Variants in NUP88 observed in about 807,000 individuals in gnomAD.
NUP88 encodes nucleoporin 88, also known as nuclear pore complex protein Nup88.
NUP88 carries 57 observed loss-of-function variants against 93.9 expected under a neutral mutation model. That is an observed-to-expected ratio of 0.61 (90% CI 0.49 to 0.76). NUP88 has a LOEUF of 0.76. Among genes scored for constraint, NUP88 ranks in the 30% least tolerant of loss-of-function variants. The pLI is 0.00. For missense variants in NUP88, 911 were observed against 901.0 expected, an observed-to-expected ratio of 1.01 and a Z score of -0.14; for synonymous variants, 346 against 336.8, an observed-to-expected ratio of 1.03 and a Z score of -0.30.
At position 5,416,602 on chromosome 17, in the gene NUP88, T is replaced by C. The variant is rs758300813; in HGVS notation, c.378A>G (p.Ile126Met). ...CTAATACCATAAGTCCTTTTATTCC[T>C]ATAAGTGCTACATGATGTTGTGTTG... ...LSPTQHHVAL[I>M]GIKGLMVLEL... Residue 126 changes from isoleucine to methionine, a missense_variant, in exon 2 of 17, where the codon ATA (isoleucine) becomes ATG (methionine). Coordinates refer to ENST00000573584, the MANE Select transcript of NUP88 (RefSeq NM_002532.6). The C allele has an allele frequency of 1.2e-6, 2 of 1,612,504 alleles. No homozygotes were observed. Among genetic ancestry groups the C allele is most frequent in the South Asian group, 2.2e-5 (2 of 90,614 alleles).
At chr17:5,407,615 A>ACAGG (rs1913574308) in intron 5 of NUP88, among the ~76,000 whole-genome samples, 1 of 152,104 alleles carries the variant, frequency 6.6e-6, no homozygotes, top group African/African-American at 2.4e-5. Context: ...CCTCTATTTT[A>ACAGG]ATTCTTCTTG....
At chr17:5,403,734 G>C (rs1913312104) in intron 7 of NUP88, among the ~76,000 whole-genome samples, 1 of 152,166 alleles carries the variant, frequency 6.6e-6, no homozygotes, top group Non-Finnish European at 1.5e-5. Flanking sequence ...CTTAGCTGTT[G>C]TGAATAACAC....
At chr17:5,391,828 C>T (rs978204485) in intron 9 of NUP88, among the ~76,000 whole-genome samples, 166 bp from the exon 10 acceptor site, 4 of 152,206 alleles carry the variant, frequency 2.6e-5, no homozygotes, top group African/African-American at 9.7e-5. Flanking sequence ...TTTAATGCAG[C>T]TCCACACTAA....
At chr17:5,406,875 G>A (rs8068919) in intron 5 of NUP88, among the ~76,000 whole-genome samples, 2,434 of 152,226 alleles carry the variant, frequency 0.016, 54 homozygotes, top group African/African-American at 0.055. Context: ...CGCGCAGCCC[G>A]TGGGTTGGAC....
rs966904888 is a variant in NUP88, at chr17:5,391,793, C to G, written c.1383-131G>C. Reference sequence around the variant, plus strand: ...TTGGGACATCCTATCAGTACCATAACCTCAAAAGTGGTGGCTTGGAAACCT... The same window carrying G: ...TTGGGACATCCTATCAGTACCATAAGCTCAAAAGTGGTGGCTTGGAAACCT... On this transcript the variant is annotated intron_variant, in intron 9 of 16. Transcript: ENST00000573584. 4 of 668,072 alleles carry G rather than the reference C, an allele frequency of 6.0e-6. No individual in the cohort carries two copies. In the East Asian group the frequency reaches 1.1e-4, roughly 19 times the overall value. 41.4% of individuals were successfully genotyped at this position (668,072 alleles called of 1,614,324 possible). A position where few individuals can be genotyped will look rare whatever the true frequency, so the allele number is the denominator to read the frequency against.
At position 5,385,538 on chromosome 17, in the gene NUP88, C is replaced by A. The variant is rs1281339242; in HGVS notation, c.*668G>T. ...ACTTAAGGTGAAGTGAGGACAAAATCACATTCTGCATACTAACCTATTTTT... is the reference window on the plus strand; with the variant it reads ...ACTTAAGGTGAAGTGAGGACAAAATAACATTCTGCATACTAACCTATTTTT... On this transcript the variant is annotated 3_prime_UTR_variant, in exon 17 of 17. Coordinates refer to ENST00000573584, the MANE Select transcript of NUP88 (RefSeq NM_002532.6). 2.6e-5 allele frequency: 6 copies of A among 230,842 alleles called. No individual in the cohort carries two copies. The highest frequency in any genetic ancestry group is 5.1e-5 in the Non-Finnish European group (6 of 116,666). The allele number at this position is 230,842 out of a possible 1,614,324, so 14.3% of individuals were successfully genotyped here.
intron 16 of NUP88, 31 bp downstream of exon 16, chr17:5,386,677 C>G: frequency 1.4e-6 from 2 of 1,384,016 alleles, no homozygotes; most frequent in Non-Finnish European, 2.1e-6. Context: ...AACTATCTCA[C>G]GATAATAGCT....
rs763608323 is a variant in NUP88 at position 5,404,149 on chromosome 17, T to C, written c.1142A>G (p.Glu381Gly). The change falls in exon 7 of 17, where the codon GAG becomes GGG. Residue 381 changes from glutamate (E) to glycine (G), a missense_variant. By Grantham distance (98) the Glu-to-Gly change is moderately conservative. Coordinates refer to ENST00000573584, the MANE Select transcript of NUP88 (RefSeq NM_002532.6). ...LELALKLASGEDDPFDSDFSC... is the reference protein window; with the variant it reads ...LELALKLASGGDDPFDSDFSC... ...AAAGTCAGAATCAAAAGGGTCATCC[T>C]CTCCAGATGCCAGTTTCAAAGCAAG... 1.2e-6 allele frequency: 2 copies of C among 1,613,962 alleles called. No individual in the cohort carries two copies. Among genetic ancestry groups the C allele is most frequent in the Non-Finnish European group, 1.7e-6 (2 of 1,180,004 alleles).
chr17:5,414,592 C>A, intron 2 of NUP88, among the ~76,000 whole-genome samples: 1 of 152,154 alleles, frequency 6.6e-6, no homozygotes, highest in East Asian at 1.9e-4. Context: ...TCTATTCAAT[C>A]AATATCAAAG....
chr17:5,409,720 A>T lies in NUP88; in HGVS notation c.681-811T>A, dbSNP rs182103479. On this transcript the variant is annotated intron_variant, in intron 4 of 16. Transcript: ENST00000573584. ...AAAAGAGAAGAAATAAAGATGGAAC[A>T]TAAACTCAGAAAATATCATGAAAAA... Among the ~76,000 whole-genome samples, 126 of 152,370 alleles carry T rather than the reference A, an allele frequency of 8.3e-4. No individual in the cohort carries two copies. In the Middle Eastern group the frequency reaches 0.01, roughly 12 times the overall value.
rs182546326 is a variant in NUP88 at position 5,404,432 on chromosome 17, C to T, written c.1045-186G>A. On this transcript the variant is annotated intron_variant, in intron 6 of 16. Coordinates refer to ENST00000573584, the MANE Select transcript of NUP88 (RefSeq NM_002532.6). ...GTTCGAGACCAGCCTGGCCAACATACTGAAACCCTGTCTCTACTAAAAGTA... is the reference window on the plus strand; with the variant it reads ...GTTCGAGACCAGCCTGGCCAACATATTGAAACCCTGTCTCTACTAAAAGTA... Among the ~76,000 whole-genome samples the T allele has an allele frequency of 4.5e-3, 678 of 152,060 alleles. 5 individuals are homozygous for T. Among genetic ancestry groups the T allele is most frequent in the African/African-American group, 0.016 (655 of 41,500 alleles).
At chr17:5,396,489 A>C (rs921488638) in intron 8 of NUP88, among the ~76,000 whole-genome samples, 1 of 152,228 alleles carries the variant, frequency 6.6e-6, no homozygotes, top group African/African-American at 2.4e-5. Flanking sequence ...TTGTTGAATA[A>C]TACTCTGTTG....
At chr17:5,399,103 G>A (rs1912981025) in intron 8 of NUP88, among the ~76,000 whole-genome samples, 1 of 150,950 alleles carries the variant, frequency 6.6e-6, no homozygotes, top group African/African-American at 2.4e-5. Flanking sequence ...ATGTTAGCCA[G>A]GATGGTCTCA....
At chr17:5,405,005 G>C in intron 6 of NUP88, 52 bp downstream of exon 6, 1 of 1,486,986 alleles carries the variant, frequency 6.7e-7, no homozygotes, top group Non-Finnish European at 9.2e-7. Context: ...TATTGGGTCA[G>C]GAACTATGCC....
At position 5,399,514 on chromosome 17, in the gene NUP88, T is replaced by C. The variant is rs778301978; in HGVS notation, c.1291+38A>G. On this transcript the variant is annotated intron_variant, in intron 8 of 16. Transcript: ENST00000573584. ...AAATCTATTAAATCTATTTTTCCTC[T>C]GAAATCTATTAAAAGTGCAGAGAGT... 20 of 1,024,214 alleles carry C rather than the reference T, an allele frequency of 2.0e-5. No homozygotes were observed. In the South Asian group the frequency reaches 2.8e-4, roughly 14 times the overall value. 63.4% of individuals were successfully genotyped at this position (1,024,214 alleles called of 1,614,324 possible).
Position 5,399,628 on chromosome 17 carries a change from A to G in NUP88, c.1215T>C (p.Tyr405=), listed in dbSNP as rs767108026. Residue 405 remains tyrosine, a synonymous_variant, in exon 8 of 17, where the codon TAT becomes TAC. Coordinates refer to ENST00000573584, the MANE Select transcript of NUP88 (RefSeq NM_002532.6). ...GTACACCAGCTTCATGAGTACAGTG[A>G]TATCTTGAAGGACACTTGGGATCTG... ...LHRDPKCPSR[Y]HCTHEAGVHS... 8.1e-6 allele frequency: 13 copies of G among 1,601,384 alleles called. No homozygotes were observed. The highest frequency in any genetic ancestry group is 2.2e-5 in the East Asian group (1 of 44,632).
chr17:5,402,020 G>T (rs531162862), intron 7 of NUP88, among the ~76,000 whole-genome samples: 3 of 152,258 alleles, frequency 2.0e-5, no homozygotes, highest in African/African-American at 7.2e-5. Context: ...ACTCTCATTA[G>T]AAGAACCAAG....
chr17:5,389,029 C>T, intron 10 of NUP88, 69 bp from the exon 11 acceptor site: 4 of 1,124,990 alleles, frequency 3.6e-6, no homozygotes, highest in Non-Finnish European at 5.0e-6. Context: ...AAGCAGAAAC[C>T]ACATTAATCC....
chr17:5,395,025 G>T, intron 8 of NUP88, 44 bp from the exon 9 acceptor site: 1 of 1,189,194 alleles, frequency 8.4e-7, no homozygotes, highest in Non-Finnish European at 1.3e-6. Context: ...GCTTAGACAA[G>T]TCTCCAAATT....
Sources: gnomAD v4.1 joint callset for allele counts (sites outside exome capture counted in the v4.1 genomes callset) on GRCh38, gnomAD v4.1.1 for gene constraint, MANE v1.5 for transcripts, NCBI Gene and HGNC (gene_info 2026-07-23, HGNC 2026-07-21) for gene names.